MORC4: variants seen among roughly 807,000 people sequenced by gnomAD.
MORC4 encodes the protein MORC family CW-type zinc finger protein 4.
Under a neutral mutation model 65.5 loss-of-function variants are expected in MORC4, and 22 were observed. The ratio of observed to expected loss-of-function variants is 0.34; its 90% confidence interval spans 0.24 to 0.48. MORC4 has a LOEUF of 0.48. Among genes scored for constraint, MORC4 ranks in the 20% least tolerant of loss-of-function variants. The pLI is 0.99. For missense variants in MORC4, 624 were observed against 703.0 expected, an observed-to-expected ratio of 0.89 and a Z score of 1.27; for synonymous variants, 267 against 255.8, an observed-to-expected ratio of 1.04 and a Z score of -0.42.
At chrX:106,967,072 T>C (rs979675750) in intron 9 of MORC4, among the ~76,000 whole-genome samples, 4 of 111,248 alleles carry the variant, frequency 3.6e-5, no homozygotes, top group Admixed American at 9.5e-5. Flanking sequence ...AGACATCTCA[T>C]ACAGGCAGGT....
At position 106,985,163 on chromosome X, in the gene MORC4, G is replaced by C; in HGVS notation, c.607C>G (p.Leu203Val). Residue 203 changes from leucine (L) to valine (V), a missense_variant, in exon 5 of 17, where the codon CTG (leucine) becomes GTG (valine). Physicochemically the swap from Leu to Val is conservative, Grantham distance 32 (BLOSUM62 1). Transcript: ENST00000355610. ...GGGATGGCATCAAACTGGGCCAGCAGGTCATTTTCACGGTTGAAAATGGAA... is the reference window on the plus strand; with the variant it reads ...GGGATGGCATCAAACTGGGCCAGCACGTCATTTTCACGGTTGAAAATGGAA... Reference protein sequence around the residue: ...NYSIFNRENDLLAQFDAIPGK... With the variant: ...NYSIFNRENDVLAQFDAIPGK... The C allele has an allele frequency of 8.3e-7, 1 of 1,205,868 alleles. No homozygotes were observed. The highest frequency in any genetic ancestry group is 2.3e-4 in the Middle Eastern group (1 of 4,330).
intron 5 of MORC4, among the ~76,000 whole-genome samples, chrX:106,984,413 C>CACAT (rs886657955): frequency 1.8e-5 from 2 of 108,796 alleles, no homozygotes; most frequent in African/African-American, 6.7e-5. Flanking sequence ...TTAAACATGC[C>CACAT]ACATTTTACC....
intron 7 of MORC4, 121 bp from the exon 8 acceptor site, chrX:106,978,320 G>A (rs1283344508): frequency 3.7e-5 from 24 of 654,343 alleles, no homozygotes; most frequent in Non-Finnish European, 5.3e-5. Flanking sequence ...CCTTTTTGCG[G>A]GCATTTAAAC....
In MORC4 at chrX:106,985,223, C is replaced by T. The variant is rs1333819638; in HGVS notation, c.547G>A (p.Asp183Asn). The T allele has an allele frequency of 1.7e-6, 2 of 1,164,562 alleles. No homozygotes were observed. The highest frequency in any genetic ancestry group is 3.6e-5 in the African/African-American group (2 of 55,693). The change falls in exon 5 of 17, where the codon GAT (aspartate) becomes AAT (asparagine). Residue 183 changes from aspartate (D) to asparagine (N), a missense_variant. Coordinates refer to ENST00000355610, the MANE Select transcript of MORC4 (RefSeq NM_024657.5). ...QQNKKMIITE[D>N]SLPSLEAILN... ...ATGGCTTCTAGGCTGGGCAATGAAT[C>T]CTCGGTAATAATCATTTTTTGTAAA...
intron 2 of MORC4, among the ~76,000 whole-genome samples, chrX:106,997,059 T>C (rs187961265): frequency 7.1e-5 from 8 of 112,197 alleles, no homozygotes; most frequent in African/African-American, 2.6e-4. Flanking sequence ...GCTACTGTCC[T>C]ACATAAATCC....
At chrX:106,995,875 G>A (rs181446521) in intron 2 of MORC4, among the ~76,000 whole-genome samples, 254 of 112,161 alleles carry the variant, frequency 2.3e-3, no homozygotes, top group Non-Finnish European at 3.7e-3. Context: ...ACCTTTACTC[G>A]CCAAGCAGGC....
chrX:106,955,163 T>G (rs767218653), intron 13 of MORC4, 75 bp from the exon 14 acceptor site: 82 of 781,176 alleles, frequency 1.0e-4, no homozygotes, highest in Non-Finnish European at 1.5e-4. Context: ...ATCCTTCTGA[T>G]GCTAGGAAAG....
rs138558505 is a variant in MORC4 at position 106,978,097 on chromosome X, C to T, written c.1039G>A (p.Val347Met). 8.6e-4 allele frequency: 1,039 copies of T among 1,207,396 alleles called. 1 individual carries two copies. The highest frequency in any genetic ancestry group is 1.1e-3 in the Non-Finnish European group (991 of 893,513). The change falls in exon 8 of 17, where the codon GTG becomes ATG. Residue 347 changes from valine (V) to methionine (M), a missense_variant. Physicochemically the swap from Val to Met is conservative, Grantham distance 21. Coordinates refer to ENST00000355610, the MANE Select transcript of MORC4 (RefSeq NM_024657.5). Reference sequence around the variant, plus strand: ...CTACTCACCTTCACCTGGCACCCCACCTTCTCAAAAGATTTTATGAGTCGG... The same window carrying T: ...CTACTCACCTTCACCTGGCACCCCATCTTCTCAAAAGATTTTATGAGTCGG... ...NNRLIKSFEK[V>M]GCQVKPTRGE...
intron 3 of MORC4, among the ~76,000 whole-genome samples, chrX:106,992,098 T>C (rs1934995264): frequency 8.9e-6 from 1 of 112,123 alleles, no homozygotes; most frequent in African/African-American, 3.2e-5. Context: ...AACATACTGG[T>C]CACAATTCTT....
At chrX:106,968,568 C>G (rs1348982578) in intron 9 of MORC4, among the ~76,000 whole-genome samples, 1 of 104,807 alleles carries the variant, frequency 9.5e-6, no homozygotes, top group Non-Finnish European at 1.9e-5. Flanking sequence ...ATTCAGGAGA[C>G]CCATCTCACA....
rs377248237 is a variant in MORC4, at chrX:106,976,563, C to A, written c.1157+21G>T. On this transcript the variant is annotated intron_variant, in intron 9 of 16. Transcript: ENST00000355610. ...TATCTGAACAAACTAACGGAAGCAC[C>A]TCAGGTTGGGAGTGACTCACCGGTA... 16 of 1,065,351 alleles carry A rather than the reference C, an allele frequency of 1.5e-5. No homozygotes were observed. In the African/African-American group the frequency reaches 2.6e-4, roughly 17 times the overall value. The allele number at this position is 1,065,351 out of a possible 1,213,427, so 87.8% of individuals were successfully genotyped here. A position where few individuals can be genotyped will look rare whatever the true frequency, so the allele number is the denominator to read the frequency against.
chrX:106,956,322 G>A (rs1446883126), intron 13 of MORC4, among the ~76,000 whole-genome samples, 158 bp downstream of exon 13: 1 of 112,166 alleles, frequency 8.9e-6, no homozygotes, highest in Admixed American at 9.4e-5. Flanking sequence ...AGTGACAGCA[G>A]AGCAAAGCAA....
Position 106,958,411 on chromosome X carries a change from T to C in MORC4, c.1310A>G (p.Lys437Arg). 8.3e-7 allele frequency: 1 copy of C among 1,206,659 alleles called. No individual in the cohort carries two copies. Among genetic ancestry groups the C allele is most frequent in the Non-Finnish European group, 1.1e-6 (1 of 891,333 alleles). ...GGATGGATCAATCTTCCCAGGAAGCTTTCTCCATTTAAGACACTCATCACA... is the reference window on the plus strand; with the variant it reads ...GGATGGATCAATCTTCCCAGGAAGCCTTCTCCATTTAAGACACTCATCACA... ...VQCDECLKWR[K>R]LPGKIDPSML... Residue 437 changes from lysine to arginine, a missense_variant, in exon 11 of 17, where the codon AAG becomes AGG. By Grantham distance (26) the Lys-to-Arg change is conservative (BLOSUM62 2). Transcript: ENST00000355610.
In MORC4 at chrX:106,999,878, C is replaced by T. The variant is rs1211842691; in HGVS notation, c.92G>A (p.Arg31His). ...PGGGPQAFGI[R>H]LSTMSPRYLQ... ...GGGCCCCGGACCTACCGTGCTCAGG[C>T]GGATCCCGAAGGCCTGCGGGCCGCC... The change falls in exon 1 of 17, where the codon CGC (arginine) becomes CAC (histidine). Residue 31 changes from arginine (R) to histidine (H), a missense_variant. Arg to His is a conservative substitution (Grantham distance 29). Coordinates refer to ENST00000355610, the MANE Select transcript of MORC4 (RefSeq NM_024657.5). 2 of 836,511 alleles carry T rather than the reference C, an allele frequency of 2.4e-6. No homozygotes were observed. Among genetic ancestry groups the T allele is most frequent in the South Asian group, 6.1e-5 (1 of 16,291 alleles). The allele number at this position is 836,511 out of a possible 1,213,427, so 68.9% of individuals were successfully genotyped here. A position where few individuals can be genotyped will look rare whatever the true frequency, so the allele number is the denominator to read the frequency against.
At chrX:106,987,261 A>G (rs1014968124) in intron 3 of MORC4, among the ~76,000 whole-genome samples, 4 of 111,571 alleles carry the variant, frequency 3.6e-5, no homozygotes, top group African/African-American at 9.8e-5. Context: ...AGGTGATGGA[A>G]ACCCCAAACA....
intron 9 of MORC4, among the ~76,000 whole-genome samples, chrX:106,965,003 C>T (rs1330180745): frequency 5.7e-5 from 4 of 69,799 alleles, no homozygotes; most frequent in African/African-American, 6.8e-5. Flanking sequence ...AGCAAAACTC[C>T]ATGTCAAAAA....
At chrX:106,970,282 C>T (rs1003988486) in intron 9 of MORC4, among the ~76,000 whole-genome samples, 11 of 112,140 alleles carry the variant, frequency 9.8e-5, no homozygotes, top group African/African-American at 2.6e-4. Flanking sequence ...CAACAGCCTT[C>T]CATGCTAAAA....
intron 10 of MORC4, among the ~76,000 whole-genome samples, chrX:106,961,473 A>G (rs1226678502): frequency 4.5e-5 from 5 of 112,249 alleles, no homozygotes; most frequent in African/African-American, 1.6e-4. Flanking sequence ...TCCTGATGTG[A>G]AAAGCACCAT....
chrX:106,964,372 A>G (rs1934324520), intron 9 of MORC4, among the ~76,000 whole-genome samples: 1 of 112,053 alleles, frequency 8.9e-6, no homozygotes, highest in Non-Finnish European at 1.9e-5. Context: ...AAAGTGAACA[A>G]AAACTAAGGG....
Sources: gnomAD v4.1 joint callset for allele counts (sites outside exome capture counted in the v4.1 genomes callset) on GRCh38, gnomAD v4.1.1 for gene constraint, MANE v1.5 for transcripts, NCBI Gene and HGNC (gene_info 2026-07-23, HGNC 2026-07-21) for gene names.